Variants in CSMD1 observed in about 807,000 individuals in gnomAD.
The protein encoded by CSMD1 is CUB and Sushi multiple domains 1.
CSMD1 carries 213 observed loss-of-function variants against 417.5 expected under a neutral mutation model. That is an observed-to-expected ratio of 0.51 (90% CI 0.46 to 0.57). The LOEUF (loss-of-function observed/expected upper bound fraction) is 0.57, where lower values mean the gene tolerates loss of function less well. Ranked by LOEUF, CSMD1 falls within the 20% of genes least tolerant of loss-of-function variation. The pLI is 0.00. For synonymous variants in CSMD1, 2,862 were observed against 1,736.8 expected, an observed-to-expected ratio of 1.65 and a Z score of -16.11; for missense variants, 6,923 against 4,529.7, an observed-to-expected ratio of 1.53 and a Z score of -15.17.
At chr8:4,830,110 G>T (rs1421543135) in intron 1 of CSMD1, among the ~76,000 whole-genome samples, 6 of 152,092 alleles carry the variant, frequency 3.9e-5, no homozygotes, top group Non-Finnish European at 5.9e-5. Flanking sequence ...TACATTCTTG[G>T]AAACTCAGTT....
intron 2 of CSMD1, among the ~76,000 whole-genome samples, chr8:4,457,126 G>A (rs1292199855): frequency 6.6e-6 from 1 of 152,064 alleles, no homozygotes; most frequent in Non-Finnish European, 1.5e-5. Flanking sequence ...TACTGTGAAA[G>A]AGTTATTCCT....
rs553590692 is a variant in CSMD1, at chr8:4,982,117, G to C, written c.85+12215C>G. 2.8e-4 allele frequency among the ~76,000 whole-genome samples: 43 copies of C among 152,320 alleles called. No homozygotes were observed. The South Asian group carries it at 6.6e-3, about 23-fold the overall frequency. On this transcript the variant is annotated intron_variant, in intron 1 of 69. Coordinates refer to ENST00000635120, the MANE Select transcript of CSMD1 (RefSeq NM_033225.6). ...AGCCTCAGGTGGCAATGAAGTCCCA[G>C]CCAACACTTGATGGCTGCTTTGTGA...
intron 23 of CSMD1, among the ~76,000 whole-genome samples, chr8:3,341,395 C>A (rs569756935): frequency 6.6e-6 from 1 of 152,256 alleles, no homozygotes; most frequent in African/African-American, 2.4e-5. Context: ...ATACTTTTTG[C>A]ATCACCATGA....
chr8:2,977,061 A>C (rs1186850755), intron 55 of CSMD1, among the ~76,000 whole-genome samples: 2 of 152,012 alleles, frequency 1.3e-5, no homozygotes, highest in African/African-American at 4.8e-5. Context: ...TTAAAAAAAA[A>C]AAGAAAGAAA....
intron 48 of CSMD1, 40 bp from the exon 49 acceptor site, chr8:3,087,325 C>G: frequency 1.3e-6 from 2 of 1,594,908 alleles, no homozygotes; most frequent in Non-Finnish European, 1.7e-6. Context: ...AGTCAACAAG[C>G]AAACAAATGG....
chr8:3,662,352 C>T lies in CSMD1; in HGVS notation c.1010-45555G>A, dbSNP rs565363224. Among the ~76,000 whole-genome samples, 8 of 152,222 alleles carry T rather than the reference C, an allele frequency of 5.3e-5. No homozygotes were observed. The South Asian group carries it at 1.7e-3, about 32-fold the overall frequency. ...ATGGTTTCTTAAAATCTCTCTCTCC[C>T]CACTCCTCCTCTCCTTTCCATCTCT... On this transcript the variant is annotated intron_variant, in intron 7 of 69. Coordinates refer to ENST00000635120, the MANE Select transcript of CSMD1 (RefSeq NM_033225.6).
intron 3 of CSMD1, among the ~76,000 whole-genome samples, chr8:4,188,846 A>C (rs968120097): frequency 6.6e-6 from 1 of 151,676 alleles, no homozygotes; most frequent in Non-Finnish European, 1.5e-5. Flanking sequence ...AAAAAAAAAA[A>C]CGAAATGTTT....
In CSMD1 at chr8:3,634,942, G is replaced by C. The variant is rs372321161; in HGVS notation, c.1010-18145C>G. Among the ~76,000 whole-genome samples, 208 of 152,220 alleles carry C rather than the reference G, an allele frequency of 1.4e-3. 6 individuals carry two copies. In the South Asian group the frequency reaches 0.042, roughly 31 times the overall value. ...CCTAGGCTACAAACTCACACCACAT[G>C]TGACTGTACTGAATAATGCAGGCAA... On this transcript the variant is annotated intron_variant, in intron 7 of 69. Coordinates refer to ENST00000635120, the MANE Select transcript of CSMD1 (RefSeq NM_033225.6).
intron 18 of CSMD1, among the ~76,000 whole-genome samples, chr8:3,385,039 AATAT>A (rs1207132123): frequency 8.5e-6 from 1 of 117,688 alleles, no homozygotes; most frequent in African/African-American, 3.4e-5. Flanking sequence ...TAATATATAT[AATAT>A]ATAAATATAT....
chr8:4,241,382 C>T (rs1344040214), intron 3 of CSMD1, among the ~76,000 whole-genome samples: 2 of 152,182 alleles, frequency 1.3e-5, no homozygotes, highest in African/African-American at 4.8e-5. Flanking sequence ...TCAGGGAAAC[C>T]CTTCCCACTT....
intron 1 of CSMD1, among the ~76,000 whole-genome samples, chr8:4,653,145 T>C (rs1408606180): frequency 6.6e-6 from 1 of 152,002 alleles, no homozygotes; most frequent in Non-Finnish European, 1.5e-5. Context: ...TTAGTAGAAA[T>C]TTCCAAAGTA....
At chr8:2,966,009 T>C (rs1803922505) in intron 58 of CSMD1, 55 bp from the exon 59 acceptor site, 1 of 1,441,754 alleles carries the variant, frequency 6.9e-7, no homozygotes, top group Non-Finnish European at 9.5e-7. Flanking sequence ...ATGAAATGAA[T>C]TAGTCACCAT....
At chr8:3,683,360 G>A (rs912553018) in intron 7 of CSMD1, among the ~76,000 whole-genome samples, 3 of 151,984 alleles carry the variant, frequency 2.0e-5, no homozygotes, top group East Asian at 1.9e-4. Context: ...ATACAACCAC[G>A]AGTGAGCTGT....
At chr8:3,247,193 G>T (rs989485218) in intron 26 of CSMD1, among the ~76,000 whole-genome samples, 1 of 152,156 alleles carries the variant, frequency 6.6e-6, no homozygotes, top group Non-Finnish European at 1.5e-5. Flanking sequence ...CAGACCATGT[G>T]ATTTGATATG....
At chr8:3,890,238 T>C (rs1313574002) in intron 5 of CSMD1, among the ~76,000 whole-genome samples, 1 of 152,212 alleles carries the variant, frequency 6.6e-6, no homozygotes, top group Non-Finnish European at 1.5e-5. Flanking sequence ...AGAAATATTC[T>C]TGTTGTTCAA....
intron 5 of CSMD1, among the ~76,000 whole-genome samples, chr8:3,959,819 A>G (rs1418214516): frequency 1.3e-5 from 2 of 152,216 alleles, no homozygotes; most frequent in Non-Finnish European, 2.9e-5. Context: ...ACCTTCTGGC[A>G]TTATACACCA....
chr8:4,920,475 A>C (rs531375370), intron 1 of CSMD1, among the ~76,000 whole-genome samples: 1 of 152,302 alleles, frequency 6.6e-6, no homozygotes, highest in East Asian at 1.9e-4. Context: ...CTGCAGCAAG[A>C]TCATTTTTCT....
rs115916005 is a variant in CSMD1, at chr8:3,301,685, C to T, written c.3950+6010G>A. On this transcript the variant is annotated intron_variant, in intron 25 of 69. Transcript: ENST00000635120. ...TGAAGTCGAAAGTATCCATGAGCAGCCAAAGATACACCTGGAAAGCCGCAC... is the reference window on the plus strand; with the variant it reads ...TGAAGTCGAAAGTATCCATGAGCAGTCAAAGATACACCTGGAAAGCCGCAC... Among the ~76,000 whole-genome samples the T allele has an allele frequency of 1.4e-3, 211 of 152,136 alleles. 1 individual carries two copies. Among genetic ancestry groups the T allele is most frequent in the African/African-American group, 4.9e-3 (203 of 41,504 alleles).
intron 26 of CSMD1, among the ~76,000 whole-genome samples, chr8:3,237,029 C>A (rs572017467): frequency 1.1e-4 from 16 of 152,130 alleles, no homozygotes; most frequent in African/African-American, 3.1e-4. Flanking sequence ...CAACAAAGAA[C>A]CTGCGCTGCC....
Sources: allele counts gnomAD v4.1 joint callset (sites outside exome capture counted in the v4.1 genomes callset), GRCh38; gene constraint gnomAD v4.1.1; transcripts MANE v1.5; gene names NCBI Gene and HGNC (gene_info 2026-07-23, HGNC 2026-07-21).